Variants in NSMCE2 observed in about 807,000 individuals in gnomAD.
NSMCE2 encodes NSE2 SUMO ligase component of SMC5/6 complex.
Under a neutral mutation model 23.8 loss-of-function variants are expected in NSMCE2, and 24 were observed. The observed-to-expected ratio is 1.01, with a 90% confidence interval of 0.73 to 1.42. NSMCE2 has a LOEUF of 1.42. Among genes scored for constraint, NSMCE2 ranks in the 40% most tolerant of loss-of-function variants. The pLI, the probability that NSMCE2 is intolerant of heterozygous loss-of-function variation, is 0.00. For synonymous variants in NSMCE2, 92 were observed against 94.1 expected (o/e 0.98, Z 0.13); for missense variants, 284 against 296.5 (o/e 0.96, Z 0.31).
At chr8:125,145,403 G>A (rs1186381607) in intron 3 of NSMCE2, among the ~76,000 whole-genome samples, 2 of 152,118 alleles carry the variant, frequency 1.3e-5, no homozygotes, top group African/African-American at 4.8e-5. Context: ...GGGGGGGATA[G>A]CTAGTTATTG....
rs148529205 is a variant in NSMCE2, at chr8:125,297,311, GT to G, written c.419-59903del. ...GAATCTGTAGAGCTTATTTTACCCA[GT>G]TTTTCCCCTCCCCTGCAAAGGCAAT... is the stretch of plus-strand genomic sequence containing the variant. On this transcript the variant is annotated intron_variant, in intron 5 of 7. Transcript: ENST00000287437. 5.9e-3 allele frequency among the ~76,000 whole-genome samples: 905 copies of G among 152,284 alleles called. 10 individuals carry two copies. The highest frequency in any genetic ancestry group is 0.02 in the African/African-American group (812 of 41,560).
intron 5 of NSMCE2, among the ~76,000 whole-genome samples, chr8:125,195,994 C>T (rs563281614): frequency 5.7e-4 from 80 of 140,056 alleles, no homozygotes; most frequent in Non-Finnish European, 8.7e-4. Flanking sequence ...TCAAGCAATT[C>T]TGCTGCCTCC....
chr8:125,291,081 A>AGAT lies in NSMCE2; in HGVS notation c.419-66136_419-66134dup, dbSNP rs970104287. ...GCAGGCAGAAAACAAGCAAATAAAA[A>AGAT]GATGTAATTGTGGTAAATATTAAGA... On this transcript the variant is annotated intron_variant, in intron 5 of 7. Transcript: ENST00000287437. 3.3e-5 allele frequency among the ~76,000 whole-genome samples: 5 copies of AGAT among 152,248 alleles called. No homozygotes were observed. In the East Asian group the frequency reaches 7.7e-4, roughly 23 times the overall value.
chr8:125,192,110 A>G (rs1223454441), intron 5 of NSMCE2, among the ~76,000 whole-genome samples: 1 of 152,208 alleles, frequency 6.6e-6, no homozygotes, highest in East Asian at 1.9e-4. Context: ...AGAGAGTATG[A>G]TGCCATCCAC....
intron 4 of NSMCE2, among the ~76,000 whole-genome samples, chr8:125,162,092 T>G (rs573448896): frequency 5.3e-5 from 8 of 152,192 alleles, no homozygotes; most frequent in Non-Finnish European, 1.2e-4. Context: ...ATAGGAACTT[T>G]AAGTGGAATA....
chr8:125,157,170 C>G (rs959901431), intron 4 of NSMCE2, among the ~76,000 whole-genome samples: 1 of 152,066 alleles, frequency 6.6e-6, no homozygotes, highest in African/African-American at 2.4e-5. Context: ...AATTTGAGGA[C>G]AGGAGATTCC....
intron 5 of NSMCE2, among the ~76,000 whole-genome samples, chr8:125,335,605 T>C (rs1830044035): frequency 6.6e-6 from 1 of 152,164 alleles, no homozygotes; most frequent in South Asian, 2.1e-4. Flanking sequence ...GGGGTGATAC[T>C]CCATGCAGTG....
intron 4 of NSMCE2, among the ~76,000 whole-genome samples, chr8:125,163,437 A>G (rs1254777686): frequency 6.6e-6 from 1 of 152,220 alleles, no homozygotes; most frequent in Non-Finnish European, 1.5e-5. Context: ...CAGCTGGGAA[A>G]TAAAGATCTG....
intron 5 of NSMCE2, among the ~76,000 whole-genome samples, chr8:125,345,269 G>A (rs576633878): frequency 1.3e-5 from 2 of 152,294 alleles, no homozygotes; most frequent in African/African-American, 4.8e-5. Context: ...TTGTACAGAA[G>A]TGGAACAGAG....
chr8:125,126,917 T>C (rs1819545267), intron 3 of NSMCE2: 1 of 152,206 alleles, frequency 6.6e-6, no homozygotes, highest in East Asian at 1.9e-4. Context: ...GTTCTTATTT[T>C]ATCTGTCAGT....
At chr8:125,110,759 G>GTTTTTTTTTTTTTTTT (rs1387354813) in intron 3 of NSMCE2, among the ~76,000 whole-genome samples, 1 of 58,110 alleles carries the variant, frequency 1.7e-5, no homozygotes, top group African/African-American at 7.3e-5. Context: ...TTTGGTTGTT[G>GTTTTTTTTTTTTTTTT]TTGTTTTTTT....
intron 5 of NSMCE2, among the ~76,000 whole-genome samples, chr8:125,343,085 A>G (rs1305886061): frequency 6.6e-6 from 1 of 152,246 alleles, no homozygotes; most frequent in Non-Finnish European, 1.5e-5. Flanking sequence ...AGGAAAAACA[A>G]GCATGTTTCA....
chr8:125,327,491 T>C (rs1244352102), intron 5 of NSMCE2, among the ~76,000 whole-genome samples: 1 of 152,186 alleles, frequency 6.6e-6, no homozygotes, highest in Non-Finnish European at 1.5e-5. Flanking sequence ...CTAAAATATT[T>C]TACACCTTAT....
At chr8:125,154,763 A>G (rs1007322080) in intron 4 of NSMCE2, among the ~76,000 whole-genome samples, 1 of 152,216 alleles carries the variant, frequency 6.6e-6, no homozygotes, top group Non-Finnish European at 1.5e-5. Flanking sequence ...AAGACAGTAC[A>G]CAGATACACA....
intron 4 of NSMCE2, among the ~76,000 whole-genome samples, chr8:125,159,875 G>A (rs897074074): frequency 6.6e-6 from 1 of 151,732 alleles, no homozygotes; most frequent in South Asian, 2.1e-4. Context: ...CAGGAGAATC[G>A]CTTGAACCCA....
At chr8:125,130,488 T>G (rs575554334) in intron 3 of NSMCE2, 17 of 198,030 alleles carry the variant, frequency 8.6e-5, no homozygotes, top group African/African-American at 3.7e-4. Flanking sequence ...TTTGAAATTC[T>G]GTAAAGAGTT....
intron 4 of NSMCE2, among the ~76,000 whole-genome samples, chr8:125,154,770 C>G (rs187291101): frequency 6.6e-6 from 1 of 152,128 alleles, no homozygotes; most frequent in East Asian, 1.9e-4. Flanking sequence ...TACACAGATA[C>G]ACACTTTTTT....
intron 4 of NSMCE2, among the ~76,000 whole-genome samples, chr8:125,171,014 C>T (rs544098972): frequency 6.6e-6 from 1 of 152,312 alleles, no homozygotes; most frequent in South Asian, 2.1e-4. Flanking sequence ...TTGATTAATA[C>T]TACTGACCTC....
At chr8:125,266,659 G>A (rs192214145) in intron 5 of NSMCE2, among the ~76,000 whole-genome samples, 2 of 152,298 alleles carry the variant, frequency 1.3e-5, no homozygotes, top group East Asian at 1.9e-4. Flanking sequence ...TCCTGAATAA[G>A]GTTCAGGCTT....
Sources: allele counts gnomAD v4.1 joint callset (sites outside exome capture counted in the v4.1 genomes callset), GRCh38; gene constraint gnomAD v4.1.1; transcripts MANE v1.5; gene names NCBI Gene and HGNC (gene_info 2026-07-23, HGNC 2026-07-21).